The following COL22A1 variants were observed in gnomAD, a reference collection of about 807,000 sequenced individuals.
The protein encoded by COL22A1 is collagen type XXII alpha 1 chain, also known as collagen alpha-1(XXII) chain.
Under a neutral mutation model 248.9 loss-of-function variants are expected in COL22A1, and 221 were observed. That is an observed-to-expected ratio of 0.89 (90% CI 0.80 to 0.99). The LOEUF (loss-of-function observed/expected upper bound fraction) is 0.99. Ranked by LOEUF, COL22A1 falls within the 50% of genes least tolerant of loss-of-function variation. COL22A1 has a pLI of 0.00. For synonymous variants in COL22A1, 891 were observed against 793.4 expected (o/e 1.12, Z -2.07); for missense variants, 2,240 against 2,179.0 (o/e 1.03, Z -0.56).
chr8:138,863,093 T>G (rs1402847633), intron 3 of COL22A1, among the ~76,000 whole-genome samples: 1 of 152,200 alleles, frequency 6.6e-6, no homozygotes, highest in African/African-American at 2.4e-5. Flanking sequence ...GGAGTTAAGA[T>G]GTTTAAAAGA....
chr8:138,606,508 ATT>A, intron 57 of COL22A1, 56 bp from the exon 58 acceptor site: 1 of 1,552,026 alleles, frequency 6.4e-7, no homozygotes, highest in Non-Finnish European at 8.8e-7. Flanking sequence ...ACTCAAGCAG[ATT>A]TGGAAACCTT....
At chr8:138,852,376 C>T (rs1821710146) in intron 3 of COL22A1, among the ~76,000 whole-genome samples, 1 of 152,128 alleles carries the variant, frequency 6.6e-6, no homozygotes, top group South Asian at 2.1e-4. Flanking sequence ...TGGGCAGGAT[C>T]TGAAGGTAGA....
At chr8:138,709,814 C>T (rs1449437915) in intron 30 of COL22A1, among the ~76,000 whole-genome samples, 1 of 152,080 alleles carries the variant, frequency 6.6e-6, no homozygotes, top group Non-Finnish European at 1.5e-5. Flanking sequence ...TATTTCTTAT[C>T]CATCTTCCTG....
chr8:138,857,733 CAGG>C (rs1222069625), intron 3 of COL22A1, among the ~76,000 whole-genome samples: 18 of 152,236 alleles, frequency 1.2e-4, no homozygotes, highest in Admixed American at 4.6e-4. Flanking sequence ...GCTTCAGCAT[CAGG>C]AGAAGGTCTG....
At chr8:138,805,531 GCA>G (rs549747677) in intron 10 of COL22A1, among the ~76,000 whole-genome samples, 2 of 142,606 alleles carry the variant, frequency 1.4e-5, no homozygotes, top group African/African-American at 2.8e-5. Flanking sequence ...ATGTGTGATG[GCA>G]TGTGTGTGAT....
Position 138,784,545 on chromosome 8 carries a change from C to A in COL22A1, c.1597-3565G>T, listed in dbSNP as rs1815340053. ...TAAAATCTGAGATTGAAAGAGGTAA[C>A]CAGTACAGGAGGAGGTGATTTCTAC... On this transcript the variant is annotated intron_variant, in intron 12 of 64. Coordinates refer to ENST00000303045, the MANE Select transcript of COL22A1 (RefSeq NM_152888.3). 2.0e-5 allele frequency among the ~76,000 whole-genome samples: 3 copies of A among 152,216 alleles called. No individual in the cohort carries two copies. The South Asian group carries it at 6.2e-4, about 32-fold the overall frequency.
intron 12 of COL22A1, among the ~76,000 whole-genome samples, chr8:138,787,073 T>A (rs1050648679): frequency 1.3e-5 from 2 of 152,188 alleles, no homozygotes; most frequent in African/African-American, 4.8e-5. Flanking sequence ...TTGCAGACTA[T>A]GAAGTATTAT....
chr8:138,743,344 G>T (rs1281182838), intron 22 of COL22A1, among the ~76,000 whole-genome samples: 2 of 151,922 alleles, frequency 1.3e-5, no homozygotes, highest in Non-Finnish European at 2.9e-5. Flanking sequence ...TGATGGTGAT[G>T]GTGGAGTTGA....
intron 23 of COL22A1, among the ~76,000 whole-genome samples, chr8:138,729,431 T>C (rs2131200674): frequency 6.6e-6 from 1 of 152,300 alleles, no homozygotes; most frequent in Non-Finnish European, 1.5e-5. Flanking sequence ...TTCCATGCTA[T>C]GCACACAGCA....
At position 138,781,019 on chromosome 8, in the gene COL22A1, A is replaced by G. The variant is rs763526937; in HGVS notation, c.1597-39T>C. The G allele has an allele frequency of 5.5e-6, 8 of 1,441,992 alleles. No homozygotes were observed. In the Admixed American group the frequency reaches 1.5e-4, roughly 28 times the overall value. The allele number at this position is 1,441,992 out of a possible 1,614,324, so 89.3% of individuals were successfully genotyped here. On this transcript the variant is annotated intron_variant, in intron 12 of 64. Transcript: ENST00000303045. ...AAGAGAATAGCAATTAGTAAAGAAT[A>G]ACTGAGACAGGCTCTCAGAATGCTA...
At chr8:138,648,269 G>C (rs187476544) in intron 46 of COL22A1, among the ~76,000 whole-genome samples, 1 of 152,114 alleles carries the variant, frequency 6.6e-6, no homozygotes, top group Non-Finnish European at 1.5e-5. Flanking sequence ...GAGAAATTTC[G>C]AGGACTGTGG....
intron 1 of COL22A1, among the ~76,000 whole-genome samples, chr8:138,907,897 A>T (rs1563912742): frequency 6.6e-6 from 1 of 152,206 alleles, no homozygotes; most frequent in Non-Finnish European, 1.5e-5. Context: ...GTGTGCCCTC[A>T]TGACCCAATC....
At chr8:138,772,553 G>A (rs945085208) in intron 16 of COL22A1, among the ~76,000 whole-genome samples, 5 of 152,216 alleles carry the variant, frequency 3.3e-5, no homozygotes, top group African/African-American at 4.8e-5. Flanking sequence ...GGGTGGGCAC[G>A]TGACTGAGGC....
intron 41 of COL22A1, among the ~76,000 whole-genome samples, chr8:138,667,625 A>C (rs1824621942): frequency 1.3e-5 from 2 of 152,346 alleles, no homozygotes; most frequent in South Asian, 4.1e-4. Flanking sequence ...AAGCATTTAT[A>C]TTCTGCCTTC....
At chr8:138,748,689 C>A (rs532298899) in intron 22 of COL22A1, among the ~76,000 whole-genome samples, 1 of 152,274 alleles carries the variant, frequency 6.6e-6, no homozygotes, top group South Asian at 2.1e-4. Context: ...ATCTCCAGAC[C>A]CAGTGAATTG....
intron 3 of COL22A1, among the ~76,000 whole-genome samples, chr8:138,864,476 C>T (rs531128349): frequency 3.9e-5 from 6 of 152,100 alleles, no homozygotes; most frequent in East Asian, 3.9e-4. Flanking sequence ...CATGATTTTG[C>T]GTGTGACTTT....
Position 138,672,276 on chromosome 8 carries a change from A to C in COL22A1, c.3150+4282T>G, listed in dbSNP as rs113742281. On this transcript the variant is annotated intron_variant, in intron 41 of 64. Coordinates refer to ENST00000303045, the MANE Select transcript of COL22A1 (RefSeq NM_152888.3). ...TTCTGGGAGAAACAAATGAGAGACT[A>C]TCTGTGAGATAAATGAGAGGTAGAC... 1.3e-3 allele frequency among the ~76,000 whole-genome samples: 193 copies of C among 152,330 alleles called. 1 individual carries two copies. Among genetic ancestry groups the C allele is most frequent in the African/African-American group, 4.6e-3 (191 of 41,580 alleles).
chr8:138,735,832 A>C (rs2131244482), intron 23 of COL22A1, among the ~76,000 whole-genome samples: 1 of 152,270 alleles, frequency 6.6e-6, no homozygotes, highest in Middle Eastern at 3.4e-3. Flanking sequence ...CAGTAGGAAA[A>C]ACTGGCTTCT....
At chr8:138,670,723 G>T (rs1313412261) in intron 41 of COL22A1, among the ~76,000 whole-genome samples, 1 of 152,094 alleles carries the variant, frequency 6.6e-6, no homozygotes, top group East Asian at 1.9e-4. Context: ...ACTTTGGGAT[G>T]CCAAGGCAAG....
Sources: gnomAD v4.1 joint callset for allele counts (sites outside exome capture counted in the v4.1 genomes callset) on GRCh38, gnomAD v4.1.1 for gene constraint, MANE v1.5 for transcripts, NCBI Gene and HGNC (gene_info 2026-07-23, HGNC 2026-07-21) for gene names.